Variants in COL21A1 observed in about 807,000 individuals in gnomAD.
COL21A1 encodes the protein collagen alpha-1(XXI) chain.
Under a neutral mutation model 137.9 loss-of-function variants are expected in COL21A1, and 149 were observed. The observed-to-expected ratio is 1.08, with a 90% CI of 0.95 to 1.24. The LOEUF is 1.24. COL21A1 is among the 50% of genes most tolerant of loss of function. COL21A1 has a pLI of 0.00. For synonymous variants in COL21A1, 456 were observed against 391.5 expected (o/e 1.16, Z -1.95); for missense variants, 1,167 against 1,158.4 (o/e 1.01, Z -0.11).
intron 1 of COL21A1, among the ~76,000 whole-genome samples, chr6:56,255,690 C>T (rs1183302239): frequency 6.6e-6 from 1 of 152,140 alleles, no homozygotes; most frequent in East Asian, 1.9e-4. Context: ...CAGAGCAGTC[C>T]CTCTGCTGTG....
intron 1 of COL21A1, among the ~76,000 whole-genome samples, chr6:56,334,862 T>C (rs73448977): frequency 0.016 from 2,421 of 152,218 alleles, 52 homozygotes; most frequent in African/African-American, 0.055. Context: ...TCAAACCAAT[T>C]TCCTCTTTTT....
chr6:56,303,734 G>A (rs1764361075), intron 1 of COL21A1, among the ~76,000 whole-genome samples: 1 of 152,082 alleles, frequency 6.6e-6, no homozygotes, highest in Admixed American at 6.6e-5. Context: ...TCCTTCTCCT[G>A]CCTGATTGCC....
chr6:56,204,958 C>T (rs1478630050), intron 1 of COL21A1, among the ~76,000 whole-genome samples: 2 of 152,122 alleles, frequency 1.3e-5, no homozygotes, highest in Non-Finnish European at 2.9e-5. Context: ...AAAAGGATGT[C>T]CATTCAGAGA....
chr6:56,234,304 G>C (rs1781767030), intron 1 of COL21A1, among the ~76,000 whole-genome samples: 1 of 151,444 alleles, frequency 6.6e-6, no homozygotes, highest in Non-Finnish European at 1.5e-5. Flanking sequence ...TAATTTACTA[G>C]GTAAATACTA....
rs757645151 is a variant in COL21A1, at chr6:56,072,355, AG to A, written c.1966-1558del. On this transcript the variant is annotated intron_variant, in intron 20 of 29. Coordinates refer to ENST00000244728, the MANE Select transcript of COL21A1 (RefSeq NM_030820.4). ...GCAGATTTTTTTAAAACCAAAACATAGTATAGTTAAATAGGCTTATAAATGT... is the reference window on the plus strand; with the variant it reads ...GCAGATTTTTTTAAAACCAAAACATATATAGTTAAATAGGCTTATAAATGT... 9.2e-5 allele frequency among the ~76,000 whole-genome samples: 14 copies of A among 151,622 alleles called. No individual in the cohort carries two copies. In the South Asian group the frequency reaches 2.3e-3, roughly 25 times the overall value.
Position 56,110,061 on chromosome 6 carries a change from A to C in COL21A1, c.1759-8536T>G, listed in dbSNP as rs531669645. ...AAACTGCTGATCAAAATCATCCATG[A>C]ACATAGACACAAATAATATGAAATA... On this transcript the variant is annotated intron_variant, in intron 16 of 29. Coordinates refer to ENST00000244728, the MANE Select transcript of COL21A1 (RefSeq NM_030820.4). Among the ~76,000 whole-genome samples, 106 of 152,128 alleles carry C rather than the reference A, an allele frequency of 7.0e-4. No individual in the cohort carries two copies. In the Middle Eastern group the frequency reaches 0.01, roughly 15 times the overall value.
chr6:56,369,067 C>T (rs1766165108), intron 1 of COL21A1, among the ~76,000 whole-genome samples: 2 of 152,182 alleles, frequency 1.3e-5, no homozygotes, highest in South Asian at 4.2e-4. Flanking sequence ...AAGTATGAAT[C>T]CAGAGTATCT....
At chr6:56,377,395 A>G (rs1288628821) in intron 1 of COL21A1, among the ~76,000 whole-genome samples, 1 of 151,744 alleles carries the variant, frequency 6.6e-6, no homozygotes, top group Admixed American at 6.6e-5. Flanking sequence ...GTGTGAGTGG[A>G]GAGAAGGGCA....
intron 1 of COL21A1, among the ~76,000 whole-genome samples, chr6:56,273,093 C>A (rs905051877): frequency 1.3e-5 from 2 of 152,122 alleles, no homozygotes; most frequent in Non-Finnish European, 2.9e-5. Context: ...CAAAACTACA[C>A]AAATACATTG....
intron 1 of COL21A1, among the ~76,000 whole-genome samples, chr6:56,371,213 T>C (rs1282914117): frequency 1.3e-5 from 2 of 152,190 alleles, no homozygotes; most frequent in East Asian, 1.9e-4. Flanking sequence ...AAATGTATCG[T>C]CACTCAGTTC....
chr6:56,231,223 A>G (rs1781534737), intron 1 of COL21A1: 1 of 151,960 alleles, frequency 6.6e-6, no homozygotes, highest in Non-Finnish European at 1.5e-5. Flanking sequence ...AGAACGGAAA[A>G]TAAAAAGACT....
Position 56,246,106 on chromosome 6 carries a change from G to GAA in COL21A1, c.-39+1279_-39+1280dup, listed in dbSNP as rs56156681. Among the ~76,000 whole-genome samples the GAA allele has an allele frequency of 5.3e-4, 79 of 148,814 alleles. No individual in the cohort carries two copies. In the South Asian group the frequency reaches 0.012, roughly 22 times the overall value. On this transcript the variant is annotated intron_variant, in intron 1 of 29. Transcript: ENST00000244728. ...TTGAAATCTCAGATATCTATAAAAA[G>GAA]AAAAAAAAAATGGTCCACTTCAATA...
At chr6:56,182,801 A>G (rs1186378398) in intron 1 of COL21A1, 145 bp from the exon 2 acceptor site, 1 of 546,362 alleles carries the variant, frequency 1.8e-6, no homozygotes. Context: ...TAAAACAGCC[A>G]AATGTTAAAT....
chr6:56,133,324 A>AT (rs1287000209), intron 12 of COL21A1, among the ~76,000 whole-genome samples: 2 of 152,154 alleles, frequency 1.3e-5, no homozygotes, highest in East Asian at 1.9e-4. Flanking sequence ...GACTGGTGGC[A>AT]TTTTTCCCCT....
chr6:56,387,683 G>A (rs2094020803), intron 1 of COL21A1, among the ~76,000 whole-genome samples: 1 of 152,124 alleles, frequency 6.6e-6, no homozygotes, highest in African/African-American at 2.4e-5. Flanking sequence ...ACAGTGTTGT[G>A]AAACACAACC....
rs1197335049 is a variant in COL21A1, at chr6:56,060,011, T to G, written c.2608+7A>C. 42 of 1,587,502 alleles carry G rather than the reference T, an allele frequency of 2.6e-5. No homozygotes were observed. The highest frequency in any genetic ancestry group is 3.6e-5 in the Non-Finnish European group (42 of 1,168,112). The stretch of plus-strand genomic sequence containing the variant: ...AATTCATTTTCTTGTTGAAACTAAC[T>G]GCATACCTTTTAATCCTCTGACACC... On this transcript the variant is annotated splice_region_variant and intron_variant, in intron 28 of 29. Coordinates refer to ENST00000244728, the MANE Select transcript of COL21A1 (RefSeq NM_030820.4).
At chr6:56,172,058 T>G (rs116945761) in intron 3 of COL21A1, among the ~76,000 whole-genome samples, 1 of 123,168 alleles carries the variant, frequency 8.1e-6, no homozygotes, top group Admixed American at 8.0e-5. Context: ...ATATGCATTT[T>G]GCGAGTTCCA....
intron 25 of COL21A1, 117 bp downstream of exon 25, chr6:56,061,532 T>C: frequency 1.8e-6 from 1 of 556,104 alleles, no homozygotes; most frequent in East Asian, 3.0e-5. Context: ...CTGAAGAAGA[T>C]GAAAAACATT....
upstream of COL21A1, among the ~76,000 whole-genome samples, chr6:56,247,999 C>T (rs202033095): frequency 2.0e-5 from 3 of 152,174 alleles, no homozygotes; most frequent in East Asian, 5.8e-4. Flanking sequence ...TTGCTTTCAA[C>T]CAAAAGTAAC....
Sources: gnomAD v4.1 joint callset for allele counts (sites outside exome capture counted in the v4.1 genomes callset) on GRCh38, gnomAD v4.1.1 for gene constraint, MANE v1.5 for transcripts, NCBI Gene and HGNC (gene_info 2026-07-23, HGNC 2026-07-21) for gene names.